CSNK1D: variants seen among roughly 807,000 people sequenced by gnomAD.
The protein encoded by CSNK1D is casein kinase I isoform delta.
A neutral mutation model predicts 46.6 loss-of-function variants in CSNK1D; 16 were observed. That is an observed-to-expected ratio of 0.34 (90% CI 0.23 to 0.52). The LOEUF is 0.52. Ranked by LOEUF, CSNK1D falls within the 20% of genes least tolerant of loss-of-function variation. The pLI is 0.95. For synonymous variants in CSNK1D, 276 were observed against 228.2 expected (o/e 1.21, Z -1.89); for missense variants, 398 against 578.4 (o/e 0.69, Z 3.20).
Position 82,249,723 on chromosome 17 carries a change from T to G in CSNK1D, c.886-121A>C, listed in dbSNP as rs185233078. On this transcript the variant is annotated intron_variant, in intron 6 of 8. Transcript: ENST00000314028. This position sits in a 1 kb window ranked among gnomAD's most constrained non-coding sequence, Gnocchi z 6.7. ...CAAAGGGCACTGGGACGAGACTGCCTGCAAAGCCCCCCACAGGCTGCACGT... is the reference window on the plus strand; with the variant it reads ...CAAAGGGCACTGGGACGAGACTGCCGGCAAAGCCCCCCACAGGCTGCACGT... The G allele has an allele frequency of 1.7e-3, 2,539 of 1,517,366 alleles. 7 individuals carry two copies. Among genetic ancestry groups the G allele is most frequent in the Non-Finnish European group, 1.6e-3 (1,869 of 1,136,200 alleles). The allele number at this position is 1,517,366 out of a possible 1,614,324, so 94.0% of individuals were successfully genotyped here.
In CSNK1D at chr17:82,248,020, A is replaced by T; in HGVS notation, c.1197+855T>A. The stretch of plus-strand genomic sequence containing the variant: ...AGGCCTGGCTCCATCCTGTGATCCC[A>T]ACAAACACCTCCCCACAAGCCCAGA... On this transcript the variant is annotated intron_variant, in intron 8 of 8. Coordinates refer to ENST00000314028, the MANE Select transcript of CSNK1D (RefSeq NM_001893.6). This position sits in a 1 kb window ranked among gnomAD's most constrained non-coding sequence, Gnocchi z 4.1. 4.1e-6 allele frequency: 4 copies of T among 985,358 alleles called. No individual in the cohort carries two copies. The highest frequency in any genetic ancestry group is 4.8e-6 in the Non-Finnish European group (4 of 829,952). 61.0% of individuals were successfully genotyped at this position (985,358 alleles called of 1,614,324 possible). A position where few individuals can be genotyped will look rare whatever the true frequency, so the allele number is the denominator to read the frequency against.
chr17:82,239,260 A>C (rs1353570098), downstream of CSNK1D: 5 of 152,732 alleles, frequency 3.3e-5, no homozygotes, highest in South Asian at 9.0e-4. Context: ...TGCTATGCTC[A>C]AGGACCTGGA....
chr17:82,255,692 G>A lies in CSNK1D; in HGVS notation c.188-115C>T. 1 of 1,355,552 alleles carries A rather than the reference G, an allele frequency of 7.4e-7. No homozygotes were observed. Among genetic ancestry groups the A allele is most frequent in the Non-Finnish European group, 1.0e-6 (1 of 954,520 alleles). 84.0% of individuals were successfully genotyped at this position (1,355,552 alleles called of 1,614,324 possible). ...TGACAATCCTGAACGGGGGAGGGGT[G>A]GTGGAGGTAGAAGACCCCGGCAACG... On this transcript the variant is annotated intron_variant, in intron 2 of 8. Transcript: ENST00000314028. This position sits in a 1 kb window ranked among gnomAD's most constrained non-coding sequence, Gnocchi z 5.9.
downstream of CSNK1D, among the ~76,000 whole-genome samples, chr17:82,242,411 C>T (rs777303967): frequency 9.9e-5 from 15 of 152,176 alleles, no homozygotes; most frequent in Non-Finnish European, 1.8e-4. Context: ...TCTCCAGAAC[C>T]GTCACACAGA....
At chr17:82,260,306 CTGATGGTGTACTGAG>C (rs1480845319) in intron 2 of CSNK1D, among the ~76,000 whole-genome samples, 7 of 137,706 alleles carry the variant, frequency 5.1e-5, no homozygotes, top group African/African-American at 1.8e-4. Context: ...AGTGTATTGA[CTGATGGTGTACTGAG>C]TGATGTGACT....
Position 82,248,890 on chromosome 17 carries a change from G to A in CSNK1D, c.1182C>T (p.Arg394=). Reference sequence around the variant, plus strand: ...CTGCACCTACCTGTGAGGTGGACATGCGAGAGGTATCTTGTCGGCCTGTGA... The same window carrying A: ...CTGCACCTACCTGTGAGGTGGACATACGAGAGGTATCTTGTCGGCCTGTGA... ...SDLTGRQDTS[R]MSTSQIPGRV... Residue 394 remains arginine (R), a synonymous_variant, in exon 8 of 9, where the codon CGC becomes CGT. Transcript: ENST00000314028. The surrounding 1 kb of genome is among the most constrained non-coding windows in gnomAD (Gnocchi z 4.1). 1 of 1,610,804 alleles carries A rather than the reference G, an allele frequency of 6.2e-7. No individual in the cohort carries two copies. The highest frequency in any genetic ancestry group is 8.5e-7 in the Non-Finnish European group (1 of 1,178,396).
chr17:82,252,513 G>A lies in CSNK1D; in HGVS notation c.657C>T (p.Ala219=), dbSNP rs760251390. The A allele has an allele frequency of 2.2e-5, 35 of 1,614,136 alleles. No homozygotes were observed. Among genetic ancestry groups the A allele is most frequent in the Non-Finnish European group, 2.9e-5 (34 of 1,180,032 alleles). Residue 219 remains alanine, a synonymous_variant, in exon 5 of 9, where the codon GCC becomes GCT. Coordinates refer to ENST00000314028, the MANE Select transcript of CSNK1D (RefSeq NM_001893.6). This position sits in a 1 kb window ranked among gnomAD's most constrained non-coding sequence, Gnocchi z 4.6. ...GSLPWQGLKA[A]TKRQKYERIS... Reference sequence around the variant, plus strand: ...TCCTTTCGTATTTCTGTCTCTTGGTGGCAGCCTTCAGCCCCTGCCAGGGGA... The same window carrying A: ...TCCTTTCGTATTTCTGTCTCTTGGTAGCAGCCTTCAGCCCCTGCCAGGGGA...
rs2050782604 is a variant in CSNK1D at position 82,243,745 on chromosome 17, A to T, written c.*1036T>A. 1.0e-6 allele frequency: 1 copy of T among 985,358 alleles called. No individual in the cohort carries two copies. Among genetic ancestry groups the T allele is most frequent in the African/African-American group, 1.7e-5 (1 of 57,240 alleles). The allele number at this position is 985,358 out of a possible 1,614,324, so 61.0% of individuals were successfully genotyped here. ...TAAGCACAGGCATTCATACAGACGG[A>T]GTGCCAATCCGCACAGGAGCATTGA... On this transcript the variant is annotated 3_prime_UTR_variant, in exon 9 of 9. Transcript: ENST00000314028.
intron 2 of CSNK1D, among the ~76,000 whole-genome samples, chr17:82,263,977 T>C (rs1009330656): frequency 1.3e-5 from 2 of 152,258 alleles, no homozygotes; most frequent in African/African-American, 4.8e-5. Context: ...AGGCCCGTGA[T>C]GGGACACACT....
chr17:82,240,709 G>A (rs73999826), downstream of CSNK1D, among the ~76,000 whole-genome samples: 285 of 152,278 alleles, frequency 1.9e-3, 4 homozygotes, highest in South Asian at 0.043. Flanking sequence ...TGCTGCTCCC[G>A]GACAGACATG....
chr17:82,268,776 T>A (rs1472978432), intron 1 of CSNK1D, among the ~76,000 whole-genome samples: 2 of 152,054 alleles, frequency 1.3e-5, no homozygotes, highest in African/African-American at 4.8e-5. Flanking sequence ...AAAACAAAAT[T>A]ACGTCCCTCA....
At chr17:82,265,832 T>C in intron 1 of CSNK1D, 36 bp from the exon 2 acceptor site, 1 of 1,516,534 alleles carries the variant, frequency 6.6e-7, no homozygotes, top group Non-Finnish European at 9.2e-7. Context: ...AGGAATTACC[T>C]GGTATCCACC....
In CSNK1D at chr17:82,252,455, C is replaced by T; in HGVS notation, c.715G>A (p.Val239Met). Reference sequence around the variant, plus strand: ...TTACAAGGGTAGCCTTTACACAACACTTCGATGGGGGTGGACATTTTCTTC... The same window carrying T: ...TTACAAGGGTAGCCTTTACACAACATTTCGATGGGGGTGGACATTTTCTTC... ...SEKKMSTPIE[V>M]LCKGYPSEFA... The change falls in exon 5 of 9, where the codon GTG becomes ATG. Residue 239 changes from valine (V) to methionine (M), a missense_variant. Transcript: ENST00000314028. The surrounding 1 kb of genome is among the most constrained non-coding windows in gnomAD (Gnocchi z 4.6). 6.2e-7 allele frequency: 1 copy of T among 1,614,140 alleles called. No individual in the cohort carries two copies. The highest frequency in any genetic ancestry group is 8.5e-7 in the Non-Finnish European group (1 of 1,180,018).
In CSNK1D at chr17:82,244,689, C is replaced by A; in HGVS notation, c.*92G>T. The A allele has an allele frequency of 1.2e-6, 2 of 1,602,852 alleles. No individual in the cohort carries two copies. Among genetic ancestry groups the A allele is most frequent in the Non-Finnish European group, 1.7e-6 (2 of 1,177,066 alleles). Reference sequence around the variant, plus strand: ...GAGCTCCCGGTGTTAACATTTCGATCCTAGACCGGGGGACGTGTCACTAGT... The same window carrying A: ...GAGCTCCCGGTGTTAACATTTCGATACTAGACCGGGGGACGTGTCACTAGT... On this transcript the variant is annotated 3_prime_UTR_variant, in exon 9 of 9. Transcript: ENST00000314028.
chr17:82,243,995 C>T lies in CSNK1D; in HGVS notation c.*786G>A. 14 of 986,860 alleles carry T rather than the reference C, an allele frequency of 1.4e-5. No individual in the cohort carries two copies. The highest frequency in any genetic ancestry group is 1.7e-5 in the Non-Finnish European group (14 of 830,930). The allele number at this position is 986,860 out of a possible 1,614,324, so 61.1% of individuals were successfully genotyped here. A position where few individuals can be genotyped will look rare whatever the true frequency, so the allele number is the denominator to read the frequency against. On this transcript the variant is annotated 3_prime_UTR_variant, in exon 9 of 9. Coordinates refer to ENST00000314028, the MANE Select transcript of CSNK1D (RefSeq NM_001893.6). The stretch of plus-strand genomic sequence containing the variant: ...GCGCAGTGCTTTGCCTGGTAACACC[C>T]ACTGCACCCCTGCCCCGCGGCAGCC...
In CSNK1D at chr17:82,250,406, GCT is replaced by G. The variant is rs1317318072; in HGVS notation, c.886-806_886-805del. The G allele has an allele frequency of 5.5e-6, 2 of 363,528 alleles. No individual in the cohort carries two copies. Among genetic ancestry groups the G allele is most frequent in the African/African-American group, 4.3e-5 (2 of 46,838 alleles). The allele number at this position is 363,528 out of a possible 1,614,324, so 22.5% of individuals were successfully genotyped here. On this transcript the variant is annotated intron_variant, in intron 6 of 8. Coordinates refer to ENST00000314028, the MANE Select transcript of CSNK1D (RefSeq NM_001893.6). This position sits in a 1 kb window ranked among gnomAD's most constrained non-coding sequence, Gnocchi z 4.6. The stretch of plus-strand genomic sequence containing the variant: ...TTTACGGAAAACGCTGGCCTAGCCT[GCT>G]CTGAGGGCCGGGTGACTCTAATGCC...
In CSNK1D at chr17:82,248,988, C is replaced by A. The variant is rs932654301; in HGVS notation, c.1084G>T (p.Gly362Cys). The change falls in exon 8 of 9, where the codon GGC (glycine) becomes TGC (cysteine). Residue 362 changes from glycine to cysteine, a missense_variant. Coordinates refer to ENST00000314028, the MANE Select transcript of CSNK1D (RefSeq NM_001893.6). The surrounding 1 kb of genome is among the most constrained non-coding windows in gnomAD (Gnocchi z 4.1). ...TANTSPRPVS[G>C]MERERKVSMR... is the part of the protein sequence containing the mutation. Reference sequence around the variant, plus strand: ...CTCACTTTCCGCTCTCTCTCCATGCCGGAGACGGGCCGGGGGGAGGTGTTA... The same window carrying A: ...CTCACTTTCCGCTCTCTCTCCATGCAGGAGACGGGCCGGGGGGAGGTGTTA... 6.4e-7 allele frequency: 1 copy of A among 1,570,866 alleles called. No homozygotes were observed. Among genetic ancestry groups the A allele is most frequent in the Non-Finnish European group, 8.6e-7 (1 of 1,156,906 alleles).
chr17:82,270,596 C>T (rs1308239386), intron 1 of CSNK1D, among the ~76,000 whole-genome samples: 1 of 152,230 alleles, frequency 6.6e-6, no homozygotes, highest in Non-Finnish European at 1.5e-5. Flanking sequence ...ATCTCATAGT[C>T]TTCAGATCAG....
In CSNK1D at chr17:82,250,027, G is replaced by T. The variant is rs1359570530; in HGVS notation, c.886-425C>A. ...AGCGGGGTGGGGATGAGAGCGTTTGGTCGGACGAGGAGTACACTCAGGGTC... is the reference window on the plus strand; with the variant it reads ...AGCGGGGTGGGGATGAGAGCGTTTGTTCGGACGAGGAGTACACTCAGGGTC... On this transcript the variant is annotated intron_variant, in intron 6 of 8. Transcript: ENST00000314028. The surrounding 1 kb of genome is among the most constrained non-coding windows in gnomAD (Gnocchi z 4.6). The T allele has an allele frequency of 2.4e-6, 3 of 1,244,338 alleles. No individual in the cohort carries two copies. The highest frequency in any genetic ancestry group is 3.1e-6 in the Non-Finnish European group (3 of 965,092). 77.1% of individuals were successfully genotyped at this position (1,244,338 alleles called of 1,614,324 possible). A position where few individuals can be genotyped will look rare whatever the true frequency, so the allele number is the denominator to read the frequency against.
Sources: gnomAD v4.1 joint callset for allele counts (sites outside exome capture counted in the v4.1 genomes callset) on GRCh38, gnomAD v4.1.1 for gene constraint, Gnocchi (gnomAD v3.1) non-coding constraint, MANE v1.5 for transcripts, NCBI Gene and HGNC (gene_info 2026-07-23, HGNC 2026-07-21) for gene names.